Variants in THEMIS observed in about 807,000 individuals in gnomAD.
THEMIS encodes protein THEMIS.
A neutral mutation model predicts 52.6 loss-of-function variants in THEMIS; 37 were observed. The ratio of observed to expected loss-of-function variants is 0.70; its 90% confidence interval spans 0.54 to 0.93. The LOEUF (loss-of-function observed/expected upper bound fraction) is 0.93. Among genes scored for constraint, THEMIS ranks in the 40% least tolerant of loss-of-function variants. THEMIS has a pLI of 0.00. For synonymous variants in THEMIS, 292 were observed against 272.7 expected (o/e 1.07, Z -0.70); for missense variants, 808 against 763.1 (o/e 1.06, Z -0.69).
At chr6:127,826,155 T>G (rs1778499143) in intron 3 of THEMIS, among the ~76,000 whole-genome samples, 1 of 152,054 alleles carries the variant, frequency 6.6e-6, no homozygotes, top group Non-Finnish European at 1.5e-5. Context: ...TGCCAGAAAG[T>G]AGGGGAAAAA....
intron 4 of THEMIS, among the ~76,000 whole-genome samples, chr6:127,735,486 T>A (rs752374488): frequency 2.7e-4 from 41 of 152,346 alleles, no homozygotes; most frequent in Non-Finnish European, 5.3e-4. Context: ...ACGTGATTTT[T>A]ATTTAATATT....
At chr6:127,713,924 C>A (rs549786902) in intron 5 of THEMIS, among the ~76,000 whole-genome samples, 1 of 151,654 alleles carries the variant, frequency 6.6e-6, no homozygotes, top group Admixed American at 6.6e-5. Flanking sequence ...GCCATGTGTA[C>A]GAGCAAATAG....
intron 4 of THEMIS, among the ~76,000 whole-genome samples, chr6:127,804,458 G>C (rs1777634815): frequency 6.6e-6 from 1 of 152,138 alleles, no homozygotes; most frequent in Non-Finnish European, 1.5e-5. Flanking sequence ...GAGCAATGTG[G>C]AAGATTAAAT....
intron 2 of THEMIS, among the ~76,000 whole-genome samples, chr6:127,846,779 A>G (rs1423040492): frequency 1.3e-5 from 2 of 151,882 alleles, no homozygotes; most frequent in Non-Finnish European, 2.9e-5. Context: ...ATCCTCCCTA[A>G]ACATTCTATG....
At chr6:127,758,527 A>C (rs1775912354) in intron 4 of THEMIS, among the ~76,000 whole-genome samples, 1 of 150,576 alleles carries the variant, frequency 6.6e-6, no homozygotes, top group Non-Finnish European at 1.5e-5. Flanking sequence ...CTTGAATGAA[A>C]TATGTCTTGA....
At chr6:127,895,556 T>G (rs1185609059) in intron 1 of THEMIS, among the ~76,000 whole-genome samples, 2 of 151,534 alleles carry the variant, frequency 1.3e-5, no homozygotes, top group Non-Finnish European at 3.0e-5. Flanking sequence ...GATATAAGTA[T>G]GTGTGTGTGC....
intron 3 of THEMIS, among the ~76,000 whole-genome samples, chr6:127,826,901 C>T (rs908553922): frequency 6.6e-6 from 1 of 151,782 alleles, no homozygotes; most frequent in African/African-American, 2.4e-5. Flanking sequence ...AGATTTTGGC[C>T]AAGTTTCCAG....
intron 1 of THEMIS, among the ~76,000 whole-genome samples, chr6:127,914,583 C>T (rs1781479827): frequency 6.6e-6 from 1 of 152,130 alleles, no homozygotes; most frequent in South Asian, 2.1e-4. Context: ...ATGATGTAGG[C>T]AACTGTAACA....
chr6:127,710,042 T>C, intron 5 of THEMIS, 26 bp from the exon 6 acceptor site: 1 of 1,498,334 alleles, frequency 6.7e-7, no homozygotes, highest in Non-Finnish European at 9.1e-7. Flanking sequence ...GAAGGGTTTA[T>C]CAGAAATAAG....
intron 4 of THEMIS, among the ~76,000 whole-genome samples, chr6:127,740,379 T>C (rs1474899405): frequency 6.6e-6 from 1 of 152,210 alleles, no homozygotes; most frequent in Non-Finnish European, 1.5e-5. Context: ...TGACCCCTGG[T>C]AGATAGCCTC....
intron 2 of THEMIS, among the ~76,000 whole-genome samples, chr6:127,848,957 T>C (rs1779321812): frequency 6.6e-6 from 1 of 152,244 alleles, no homozygotes; most frequent in East Asian, 1.9e-4. Flanking sequence ...ATTTTGGCTT[T>C]TGTTGCCATT....
chr6:127,910,899 C>T (rs1471569877), intron 1 of THEMIS, among the ~76,000 whole-genome samples: 1 of 152,106 alleles, frequency 6.6e-6, no homozygotes, highest in East Asian at 1.9e-4. Flanking sequence ...GCCATTATGT[C>T]TCCCTAGGCT....
At chr6:127,786,675 A>G (rs1329674099) in intron 4 of THEMIS, among the ~76,000 whole-genome samples, 1 of 152,176 alleles carries the variant, frequency 6.6e-6, no homozygotes, top group Non-Finnish European at 1.5e-5. Flanking sequence ...CCCAAGACCA[A>G]CAGTTAGAAA....
intron 4 of THEMIS, among the ~76,000 whole-genome samples, chr6:127,802,256 T>C (rs569632972): frequency 3.2e-4 from 48 of 152,278 alleles, no homozygotes; most frequent in East Asian, 3.1e-3. Context: ...AGATATACCC[T>C]TGACCAATGC....
At chr6:127,696,803 C>T in the THEMIS span, among the ~76,000 whole-genome samples, 1 of 151,946 alleles carries the variant, frequency 6.6e-6, no homozygotes, top group Non-Finnish European at 1.5e-5. Context: ...ATAGTCTTTC[C>T]TCTGTGCATG....
chr6:127,892,877 A>C (rs1478943521), intron 1 of THEMIS, among the ~76,000 whole-genome samples: 1 of 152,154 alleles, frequency 6.6e-6, no homozygotes, highest in African/African-American at 2.4e-5. Flanking sequence ...TTATTGTTTC[A>C]TTAGCATTGT....
intron 1 of THEMIS, among the ~76,000 whole-genome samples, chr6:127,894,465 T>C (rs1204155311): frequency 6.6e-6 from 1 of 151,874 alleles, no homozygotes; most frequent in African/African-American, 2.4e-5. Flanking sequence ...ATCTGAGGAA[T>C]AATGAAAATG....
intron 1 of THEMIS, among the ~76,000 whole-genome samples, chr6:127,867,682 C>T (rs916665898): frequency 3.3e-5 from 5 of 151,924 alleles, no homozygotes; most frequent in Admixed American, 6.6e-5. Context: ...ACAGAAGAAA[C>T]GGAGAACAGA....
At chr6:127,707,209 G>A (rs1384925588), downstream of THEMIS, among the ~76,000 whole-genome samples, 2 of 152,012 alleles carry the variant, frequency 1.3e-5, no homozygotes, top group Admixed American at 6.6e-5. Flanking sequence ...TGACACATGG[G>A]GATTATGGGA....
Sources: gnomAD v4.1 joint callset for allele counts (sites outside exome capture counted in the v4.1 genomes callset) on GRCh38, gnomAD v4.1.1 for gene constraint, MANE v1.5 for transcripts, NCBI Gene and HGNC (gene_info 2026-07-23, HGNC 2026-07-21) for gene names.